The following KCNAB1 variants were observed in gnomAD, a reference collection of about 807,000 sequenced individuals.
The protein encoded by KCNAB1 is potassium voltage-gated channel subfamily A regulatory beta subunit 1.
In KCNAB1, 35 loss-of-function variants were observed where a neutral mutation model predicts 64.6. The observed-to-expected ratio is 0.54, with a 90% CI of 0.41 to 0.72. The LOEUF is 0.72. KCNAB1 is among the 30% of genes least tolerant of loss of function. The pLI, the probability that KCNAB1 is intolerant of heterozygous loss-of-function variation, is 0.00. For synonymous variants in KCNAB1, 177 were observed against 183.8 expected (o/e 0.96, Z 0.30); for missense variants, 401 against 512.9 (o/e 0.78, Z 2.11).
intron 1 of KCNAB1, among the ~76,000 whole-genome samples, chr3:156,351,518 T>C (rs1724858277): frequency 6.6e-6 from 1 of 152,222 alleles, no homozygotes; most frequent in Admixed American, 6.5e-5. Flanking sequence ...CAATTTCTTT[T>C]TACTTTTTAA....
chr3:156,257,553 A>G (rs867190250), intron 1 of KCNAB1, among the ~76,000 whole-genome samples: 1 of 152,186 alleles, frequency 6.6e-6, no homozygotes, highest in Non-Finnish European at 1.5e-5. Flanking sequence ...ATCTTTACAC[A>G]ATAAAGAAGT....
At chr3:156,168,072 G>A (rs997394671) in intron 1 of KCNAB1, among the ~76,000 whole-genome samples, 5 of 152,056 alleles carry the variant, frequency 3.3e-5, no homozygotes, top group African/African-American at 1.2e-4. Flanking sequence ...CTATGGTGGT[G>A]CACACCTGTA....
At chr3:156,236,064 T>C (rs967142180) in intron 1 of KCNAB1, among the ~76,000 whole-genome samples, 2 of 152,210 alleles carry the variant, frequency 1.3e-5, no homozygotes, top group African/African-American at 2.4e-5. Flanking sequence ...TGGTGTGGCC[T>C]GGGATTCTGA....
At chr3:156,304,998 G>T (rs1721397471) in intron 1 of KCNAB1, among the ~76,000 whole-genome samples, 1 of 151,930 alleles carries the variant, frequency 6.6e-6, no homozygotes, top group Non-Finnish European at 1.5e-5. Context: ...GAGGTCATAG[G>T]GGTGAATGGC....
In KCNAB1 at chr3:156,223,336, C is replaced by T. The variant is rs186322742; in HGVS notation, c.275+102450C>T. Among the ~76,000 whole-genome samples the T allele has an allele frequency of 2.5e-3, 374 of 152,322 alleles. 2 individuals are homozygous for T. The highest frequency in any genetic ancestry group is 8.3e-3 in the African/African-American group (344 of 41,564). The stretch of plus-strand genomic sequence containing the variant: ...GGTTGCCATTGCTGGCTTGGGCAGC[C>T]TGGTTTTATTCTCTTATCTGGCCCT... On this transcript the variant is annotated intron_variant, in intron 1 of 13. Coordinates refer to ENST00000490337, the MANE Select transcript of KCNAB1 (RefSeq NM_172160.3).
At chr3:156,375,806 C>T (rs759988764) in intron 1 of KCNAB1, among the ~76,000 whole-genome samples, 2 of 135,200 alleles carry the variant, frequency 1.5e-5, no homozygotes, top group Admixed American at 1.4e-4. Context: ...AAGTGTCCTA[C>T]ATATTGAAGA....
At chr3:156,280,503 A>G (rs1232017231) in intron 1 of KCNAB1, among the ~76,000 whole-genome samples, 2 of 146,872 alleles carry the variant, frequency 1.4e-5, no homozygotes, top group Non-Finnish European at 3.0e-5. Context: ...AATTCTGTGA[A>G]GAAAGTCATT....
intron 6 of KCNAB1, 71 bp from the exon 7 acceptor site, chr3:156,465,572 C>T: frequency 7.1e-7 from 1 of 1,412,216 alleles, no homozygotes; most frequent in Non-Finnish European, 1.0e-6. Context: ...ATTAGCAATT[C>T]AGACCAGAGA....
chr3:156,239,508 C>T (rs957514427), intron 1 of KCNAB1, among the ~76,000 whole-genome samples: 1 of 152,164 alleles, frequency 6.6e-6, no homozygotes, highest in Non-Finnish European at 1.5e-5. Context: ...ACCTAGGTCT[C>T]CTTCTCCAGC....
intron 10 of KCNAB1, among the ~76,000 whole-genome samples, chr3:156,515,422 T>C (rs1717491045): frequency 1.3e-5 from 2 of 152,156 alleles, no homozygotes; most frequent in Admixed American, 6.5e-5. Flanking sequence ...GTATCACTGA[T>C]GAAAGCCAAG....
intron 1 of KCNAB1, among the ~76,000 whole-genome samples, chr3:156,394,904 T>C (rs1056569183): frequency 3.9e-5 from 6 of 152,216 alleles, no homozygotes; most frequent in African/African-American, 1.4e-4. Flanking sequence ...CATCTAGTGT[T>C]ATTGAAAGCA....
chr3:156,202,103 G>A (rs973533325), intron 1 of KCNAB1, among the ~76,000 whole-genome samples: 1 of 152,174 alleles, frequency 6.6e-6, no homozygotes. Context: ...AGTTGAGCCT[G>A]TGGGGATGGC....
At chr3:156,318,625 A>G (rs1037594297) in intron 1 of KCNAB1, among the ~76,000 whole-genome samples, 2 of 152,208 alleles carry the variant, frequency 1.3e-5, no homozygotes, top group African/African-American at 2.4e-5. Flanking sequence ...TAAGCTCTCA[A>G]AAAGGTTTTG....
chr3:156,264,616 T>G (rs1352183979), intron 1 of KCNAB1, among the ~76,000 whole-genome samples: 1 of 152,144 alleles, frequency 6.6e-6, no homozygotes, highest in East Asian at 1.9e-4. Flanking sequence ...ATAACTTGAT[T>G]CTGATAAAAT....
chr3:156,533,283 G>A (rs112759006), intron 13 of KCNAB1, among the ~76,000 whole-genome samples: 2,163 of 152,290 alleles, frequency 0.014, 51 homozygotes, highest in African/African-American at 0.049. Context: ...AGGGCTTCAT[G>A]TGCCTTCATT....
intron 1 of KCNAB1, among the ~76,000 whole-genome samples, chr3:156,382,828 C>G (rs1712269541): frequency 6.6e-6 from 1 of 152,218 alleles, no homozygotes; most frequent in Admixed American, 6.5e-5. Context: ...GCAGAGCACC[C>G]TGCCTACCTG....
In KCNAB1 at chr3:156,121,286, T is replaced by G. The variant is rs569447328; in HGVS notation, c.275+400T>G. Among the ~76,000 whole-genome samples, 6 of 152,322 alleles carry G rather than the reference T, an allele frequency of 3.9e-5. 1 individual carries two copies. Among genetic ancestry groups the G allele is most frequent in the African/African-American group, 1.2e-4 (5 of 41,566 alleles). ...AACTTGGGGATGAGGGAAGAACATTTGTTTTGCCTGGTTGAAAAGTGGAGT... is the reference window on the plus strand; with the variant it reads ...AACTTGGGGATGAGGGAAGAACATTGGTTTTGCCTGGTTGAAAAGTGGAGT... On this transcript the variant is annotated intron_variant, in intron 1 of 13. Coordinates refer to ENST00000490337, the MANE Select transcript of KCNAB1 (RefSeq NM_172160.3).
intron 1 of KCNAB1, among the ~76,000 whole-genome samples, chr3:156,240,562 T>A (rs1717105048): frequency 1.3e-5 from 2 of 152,230 alleles, no homozygotes; most frequent in Non-Finnish European, 2.9e-5. Flanking sequence ...AATACTGCTC[T>A]CCTTTGATTC....
At position 156,249,066 on chromosome 3, in the gene KCNAB1, C is replaced by T. The variant is rs868307760; in HGVS notation, c.275+128180C>T. Among the ~76,000 whole-genome samples, 121 of 150,724 alleles carry T rather than the reference C, an allele frequency of 8.0e-4. 1 individual carries two copies. The highest frequency in any genetic ancestry group is 2.8e-3 in the African/African-American group (113 of 40,938). On this transcript the variant is annotated intron_variant, in intron 1 of 13. Transcript: ENST00000490337. ...ATTTTTTAATTTTTTTATTTTTTAG[C>T]AAGTACTCAGTTGATTCTGATGCAC...
Sources: allele counts gnomAD v4.1 joint callset (sites outside exome capture counted in the v4.1 genomes callset), GRCh38; gene constraint gnomAD v4.1.1; transcripts MANE v1.5; gene names NCBI Gene and HGNC (gene_info 2026-07-23, HGNC 2026-07-21).